The following ZNF804B variants were observed in gnomAD, a reference collection of about 807,000 sequenced individuals.
ZNF804B encodes the protein zinc finger protein 804B, also known as zinc finger 804B.
Under a neutral mutation model 101.4 loss-of-function variants are expected in ZNF804B, and 80 were observed. The ratio of observed to expected loss-of-function variants is 0.79; its 90% CI spans 0.66 to 0.95. The LOEUF (loss-of-function observed/expected upper bound fraction) is 0.95. ZNF804B is among the 40% of genes least tolerant of loss of function. The probability of loss-of-function intolerance (pLI) is 0.00; values close to 1 mark genes in which losing one functional copy is unlikely to be tolerated. For missense variants in ZNF804B, 1,673 were observed against 1,561.9 expected (o/e 1.07, Z -1.20); for synonymous variants, 622 against 558.8 (o/e 1.11, Z -1.59).
intron 1 of ZNF804B, among the ~76,000 whole-genome samples, chr7:88,974,942 G>T (rs758891101): frequency 6.0e-5 from 9 of 151,150 alleles, no homozygotes; most frequent in Non-Finnish European, 1.3e-4. Flanking sequence ...ACTTTTCCCA[G>T]CTTCTTGTAA....
intron 1 of ZNF804B, among the ~76,000 whole-genome samples, chr7:89,194,628 T>C (rs1362622594): frequency 4.6e-5 from 7 of 151,964 alleles, no homozygotes; most frequent in Middle Eastern, 3.4e-3. Flanking sequence ...GTTGTAGATA[T>C]GCGGTGTTAT....
At chr7:89,212,487 T>C (rs891854428) in intron 1 of ZNF804B, among the ~76,000 whole-genome samples, 1 of 152,112 alleles carries the variant, frequency 6.6e-6, no homozygotes, top group African/African-American at 2.4e-5. Flanking sequence ...TAGACTAAAT[T>C]TCAAACAATT....
chr7:88,962,792 T>G (rs1793407633), intron 1 of ZNF804B, among the ~76,000 whole-genome samples: 1 of 145,906 alleles, frequency 6.9e-6, no homozygotes, highest in Non-Finnish European at 1.5e-5. Context: ...TTTATAGTCT[T>G]AAAAAGAGAG....
chr7:88,885,705 T>G (rs978868166), intron 1 of ZNF804B, among the ~76,000 whole-genome samples: 1 of 151,238 alleles, frequency 6.6e-6, no homozygotes, highest in African/African-American at 2.4e-5. Context: ...AGTTTTACTT[T>G]TCATAGTTTT....
chr7:89,262,302 C>T (rs1027861059), intron 2 of ZNF804B, among the ~76,000 whole-genome samples: 1 of 152,110 alleles, frequency 6.6e-6, no homozygotes, highest in Admixed American at 6.6e-5. Flanking sequence ...ATCATTTATT[C>T]AATTTCAATT....
chr7:89,337,412 A>C lies in ZNF804B; in HGVS notation c.*380A>C, dbSNP rs1377611106. Among the ~76,000 whole-genome samples the C allele has an allele frequency of 2.0e-5, 3 of 152,138 alleles. No individual in the cohort carries two copies. Among genetic ancestry groups the C allele is most frequent in the Admixed American group, 6.6e-5 (1 of 15,264 alleles). On this transcript the variant is annotated 3_prime_UTR_variant, in exon 4 of 4. Transcript: ENST00000333190. ...CTGCGTTCTAAGTATTTGTTGTGTGAATGAATGAGTGTTGATTTGGCTTAT... is the reference window on the plus strand; with the variant it reads ...CTGCGTTCTAAGTATTTGTTGTGTGCATGAATGAGTGTTGATTTGGCTTAT...
intron 2 of ZNF804B, among the ~76,000 whole-genome samples, chr7:89,317,566 G>C (rs968995171): frequency 6.6e-6 from 1 of 152,202 alleles, no homozygotes; most frequent in African/African-American, 2.4e-5. Flanking sequence ...TGGCTAAGAA[G>C]CTGGAAAAGA....
intron 2 of ZNF804B, among the ~76,000 whole-genome samples, chr7:89,218,964 A>T (rs1054772889): frequency 6.6e-6 from 1 of 152,074 alleles, no homozygotes; most frequent in African/African-American, 2.4e-5. Flanking sequence ...TCCACATGTA[A>T]GTGGACCCAT....
intron 2 of ZNF804B, among the ~76,000 whole-genome samples, chr7:89,314,053 T>C (rs1790683678): frequency 6.6e-6 from 1 of 152,176 alleles, no homozygotes; most frequent in Non-Finnish European, 1.5e-5. Flanking sequence ...TTCCCCCTTC[T>C]GTGATTAATA....
intron 2 of ZNF804B, among the ~76,000 whole-genome samples, chr7:89,244,091 G>A (rs951647936): frequency 6.6e-6 from 1 of 151,894 alleles, no homozygotes; most frequent in Admixed American, 6.6e-5. Context: ...AGAAAAATCA[G>A]AACTGACAAT....
At position 89,139,483 on chromosome 7, in the gene ZNF804B, T is replaced by G. The variant is rs146133546; in HGVS notation, c.109-78672T>G. On this transcript the variant is annotated intron_variant, in intron 1 of 3. Coordinates refer to ENST00000333190, the MANE Select transcript of ZNF804B (RefSeq NM_181646.5). Reference sequence around the variant, plus strand: ...GCATTTCATCCACAGCAGAACACCTTTAAAAATGGAATCAACCCTTTCAAA... The same window carrying G: ...GCATTTCATCCACAGCAGAACACCTGTAAAAATGGAATCAACCCTTTCAAA... 1.3e-3 allele frequency among the ~76,000 whole-genome samples: 191 copies of G among 152,208 alleles called. 1 individual carries two copies. Among genetic ancestry groups the G allele is most frequent in the African/African-American group, 4.2e-3 (176 of 41,556 alleles).
At chr7:89,221,177 T>G (rs1287505824) in intron 2 of ZNF804B, among the ~76,000 whole-genome samples, 1 of 152,006 alleles carries the variant, frequency 6.6e-6, no homozygotes, top group Admixed American at 6.6e-5. Flanking sequence ...TCAATGATCA[T>G]TTGCTCAAAT....
At chr7:89,055,540 C>T (rs1312036710) in intron 1 of ZNF804B, among the ~76,000 whole-genome samples, 2 of 152,034 alleles carry the variant, frequency 1.3e-5, no homozygotes, top group Non-Finnish European at 2.9e-5. Context: ...AGGTTAATCA[C>T]ATGTCACAAC....
At chr7:88,835,471 C>A (rs1476569807) in intron 1 of ZNF804B, among the ~76,000 whole-genome samples, 4 of 151,838 alleles carry the variant, frequency 2.6e-5, no homozygotes, top group African/African-American at 9.7e-5. Flanking sequence ...TATATCAAAC[C>A]TATTCCTGAA....
intron 1 of ZNF804B, among the ~76,000 whole-genome samples, chr7:88,890,632 G>A (rs956809298): frequency 6.6e-6 from 1 of 152,062 alleles, no homozygotes; most frequent in Non-Finnish European, 1.5e-5. Context: ...TTATTGTTTA[G>A]TTGCTTTTTT....
At position 88,854,541 on chromosome 7, in the gene ZNF804B, T is replaced by TTCCTTTCCTTCCCTTCCCTTC. The variant is rs1554340270; in HGVS notation, c.108+94457_108+94458insTCCTTTCCTTCCCTTCCCTTC. Among the ~76,000 whole-genome samples, 110 of 88,622 alleles carry TTCCTTTCCTTCCCTTCCCTTC rather than the reference T, an allele frequency of 1.2e-3. 3 individuals carry two copies. The highest frequency in any genetic ancestry group is 6.4e-3 in the East Asian group (13 of 2,026). 58.1% of individuals were successfully genotyped at this position (88,622 alleles called of 152,430 possible). ...CCTTTCCTTCCTTTCCTTCCTTCCT[T>TTCCTTTCCTTCCCTTCCCTTC]CCTTCCTTCCTTCCTTCCTTCCTTC... is the stretch of plus-strand genomic sequence containing the variant. On this transcript the variant is annotated intron_variant, in intron 1 of 3. Transcript: ENST00000333190.
intron 2 of ZNF804B, among the ~76,000 whole-genome samples, chr7:89,291,032 G>T (rs758745203): frequency 6.6e-6 from 1 of 152,146 alleles, no homozygotes; most frequent in African/African-American, 2.4e-5. Context: ...CAAGACTACT[G>T]TGGCAGTACC....
At chr7:88,805,142 C>T (rs529206046) in intron 1 of ZNF804B, among the ~76,000 whole-genome samples, 8 of 152,226 alleles carry the variant, frequency 5.3e-5, no homozygotes, top group Admixed American at 4.6e-4. Context: ...TGATGAGTTA[C>T]ACATTTAATG....
At chr7:89,285,241 G>A (rs1344922346) in intron 2 of ZNF804B, among the ~76,000 whole-genome samples, 1 of 151,598 alleles carries the variant, frequency 6.6e-6, no homozygotes, top group Non-Finnish European at 1.5e-5. Flanking sequence ...GAAGAAAATA[G>A]GCTGGGCACG....
Sources: allele counts gnomAD v4.1 joint callset (sites outside exome capture counted in the v4.1 genomes callset), GRCh38; gene constraint gnomAD v4.1.1; transcripts MANE v1.5; gene names NCBI Gene and HGNC (gene_info 2026-07-23, HGNC 2026-07-21).